The following NECTIN3 variants were observed in gnomAD, a reference collection of about 807,000 sequenced individuals.
The protein encoded by NECTIN3 is nectin cell adhesion molecule 3, also known as nectin-3.
A neutral mutation model predicts 49.4 loss-of-function variants in NECTIN3; 8 were observed. The observed-to-expected ratio is 0.16, with a 90% CI of 0.10 to 0.29. NECTIN3 has a LOEUF of 0.29. Ranked by LOEUF, NECTIN3 falls within the 10% of genes least tolerant of loss-of-function variation. The probability of loss-of-function intolerance (pLI) is 1.00; values close to 1 mark genes in which losing one functional copy is unlikely to be tolerated. For missense variants in NECTIN3, 581 were observed against 654.6 expected (o/e 0.89, Z 1.23); for synonymous variants, 277 against 241.1 (o/e 1.15, Z -1.38).
chr3:111,121,474 A>G (rs949664078), intron 3 of NECTIN3, among the ~76,000 whole-genome samples: 1 of 152,168 alleles, frequency 6.6e-6, no homozygotes, highest in Non-Finnish European at 1.5e-5. Flanking sequence ...TGTGTTGCAC[A>G]TATGCTAAAA....
intron 7 of NECTIN3, among the ~76,000 whole-genome samples, chr3:111,168,386 G>T (rs2035362252): frequency 6.6e-6 from 1 of 152,008 alleles, no homozygotes; most frequent in Non-Finnish European, 1.5e-5. Context: ...AGCTAGATAT[G>T]TTCATACACA....
intron 7 of NECTIN3, among the ~76,000 whole-genome samples, chr3:111,168,146 C>T (rs970756131): frequency 1.6e-4 from 25 of 152,060 alleles, no homozygotes; most frequent in Admixed American, 1.2e-3. Flanking sequence ...TTGTAGTAAC[C>T]TTGGATGAAC....
At chr3:111,161,221 A>G (rs1003156782) in intron 7 of NECTIN3, among the ~76,000 whole-genome samples, 1 of 152,172 alleles carries the variant, frequency 6.6e-6, no homozygotes, top group Non-Finnish European at 1.5e-5. Flanking sequence ...TAGAGTTTCA[A>G]ACAGAAATTG....
intron 2 of NECTIN3, among the ~76,000 whole-genome samples, chr3:111,116,569 G>C (rs1201012581): frequency 6.6e-6 from 1 of 152,020 alleles, no homozygotes; most frequent in Non-Finnish European, 1.5e-5. Context: ...CAATGGAGTG[G>C]TAGTAGCAGA....
intron 7 of NECTIN3, among the ~76,000 whole-genome samples, chr3:111,158,723 T>G (rs1027159884): frequency 5.9e-5 from 9 of 152,072 alleles, no homozygotes; most frequent in South Asian, 2.1e-4. Flanking sequence ...TACCAGAACA[T>G]AAAAGCATAA....
intron 5 of NECTIN3, among the ~76,000 whole-genome samples, chr3:111,126,979 A>C (rs2034186320): frequency 6.6e-6 from 1 of 152,188 alleles, no homozygotes; most frequent in Non-Finnish European, 1.5e-5. Context: ...AGAGAGCTAA[A>C]AATACATCTT....
chr3:111,153,883 A>G (rs1268580406), intron 7 of NECTIN3, among the ~76,000 whole-genome samples: 2 of 152,206 alleles, frequency 1.3e-5, no homozygotes, highest in East Asian at 3.9e-4. Context: ...CACTGAGAAT[A>G]TGTAGTTAAT....
chr3:111,148,528 A>G (rs918018742), intron 7 of NECTIN3, among the ~76,000 whole-genome samples: 1 of 152,116 alleles, frequency 6.6e-6, no homozygotes, highest in African/African-American at 2.4e-5. Flanking sequence ...AATGTCATAA[A>G]ATTCTTAGCT....
chr3:111,189,734 A>C (rs1476117881), upstream of NECTIN3, among the ~76,000 whole-genome samples: 1 of 152,236 alleles, frequency 6.6e-6, no homozygotes, highest in African/African-American at 2.4e-5. Context: ...GTGCAAAATG[A>C]AAATGCTGGG....
chr3:111,167,599 TTGA>T (rs1378287538), intron 7 of NECTIN3, among the ~76,000 whole-genome samples: 2 of 152,130 alleles, frequency 1.3e-5, no homozygotes, highest in East Asian at 1.9e-4. Flanking sequence ...TTAGAGTAGG[TTGA>T]TGAAGATGGT....
At chr3:111,085,248 T>G (rs1032700871) in intron 1 of NECTIN3, among the ~76,000 whole-genome samples, 4 of 152,250 alleles carry the variant, frequency 2.6e-5, no homozygotes, top group African/African-American at 9.6e-5. Context: ...GGTGAGGGCT[T>G]CAACACACAA....
intron 7 of NECTIN3, among the ~76,000 whole-genome samples, chr3:111,148,635 G>A (rs1299238762): frequency 6.6e-6 from 1 of 151,968 alleles, no homozygotes; most frequent in African/African-American, 2.4e-5. Context: ...AAAATGTTTT[G>A]TAGATTCCTG....
chr3:111,121,185 TG>T (rs1328664095), intron 3 of NECTIN3, among the ~76,000 whole-genome samples: 22 of 150,302 alleles, frequency 1.5e-4, no homozygotes, highest in Admixed American at 6.6e-4. Context: ...TTTTTTTTTT[TG>T]TATTTTTTAG....
At chr3:111,133,573 A>G (rs1388203299) in intron 5 of NECTIN3, 62 bp from the exon 6 acceptor site, 3 of 1,536,164 alleles carry the variant, frequency 2.0e-6, no homozygotes, top group African/African-American at 1.4e-5. Context: ...TTGCTGCTGA[A>G]TCAGCCTGCA....
intron 1 of NECTIN3, chr3:111,072,440 G>A: frequency 1.3e-6 from 2 of 1,534,406 alleles, no homozygotes; most frequent in Non-Finnish European, 1.7e-6. Flanking sequence ...GTTGGCGATG[G>A]TGCTTCGTGC....
chr3:111,094,947 C>T (rs1030476916), intron 1 of NECTIN3, among the ~76,000 whole-genome samples: 1 of 152,140 alleles, frequency 6.6e-6, no homozygotes, highest in Admixed American at 6.5e-5. Context: ...GCTAATTTTG[C>T]AGGAAGTCTT....
intron 3 of NECTIN3, 116 bp downstream of exon 3, chr3:111,119,068 G>T: frequency 1.0e-6 from 1 of 982,426 alleles, no homozygotes; most frequent in Non-Finnish European, 1.4e-6. Flanking sequence ...AATTTTGTTT[G>T]TTTTCATGGA....
intron 7 of NECTIN3, among the ~76,000 whole-genome samples, chr3:111,172,442 TG>T (rs1295706035): frequency 6.6e-6 from 1 of 152,230 alleles, no homozygotes; most frequent in East Asian, 1.9e-4. Flanking sequence ...ACATTTAAAG[TG>T]TCTAGAGTTG....
intron 7 of NECTIN3, among the ~76,000 whole-genome samples, chr3:111,180,150 A>G (rs1286103636): frequency 2.6e-5 from 4 of 152,234 alleles, no homozygotes; most frequent in Non-Finnish European, 4.4e-5. Flanking sequence ...AAACTCATAT[A>G]TAAGAGTTGA....
Sources: gnomAD v4.1 joint callset for allele counts (sites outside exome capture counted in the v4.1 genomes callset) on GRCh38, gnomAD v4.1.1 for gene constraint, MANE v1.5 for transcripts, NCBI Gene and HGNC (gene_info 2026-07-23, HGNC 2026-07-21) for gene names.